RGS22: variants seen among roughly 807,000 people sequenced by gnomAD.
The protein encoded by RGS22 is regulator of G protein signaling 22, also known as regulator of G-protein signaling 22.
Under a neutral mutation model 172.9 loss-of-function variants are expected in RGS22, and 148 were observed. That is an observed-to-expected ratio of 0.86 (90% CI 0.75 to 0.98). The LOEUF (loss-of-function observed/expected upper bound fraction) is 0.98, where lower values mean the gene tolerates loss of function less well. Among genes scored for constraint, RGS22 ranks in the 50% least tolerant of loss-of-function variants. The pLI, the probability that RGS22 is intolerant of heterozygous loss-of-function variation, is 0.00. For synonymous variants in RGS22, 458 were observed against 480.2 expected, an observed-to-expected ratio of 0.95 and a Z score of 0.60; for missense variants, 1,347 against 1,440.8, an observed-to-expected ratio of 0.93 and a Z score of 1.05.
chr8:100,031,518 TCTC>T (rs1172891205), intron 14 of RGS22, among the ~76,000 whole-genome samples: 2 of 152,250 alleles, frequency 1.3e-5, no homozygotes, highest in East Asian at 3.9e-4. Flanking sequence ...TCCATATAAT[TCTC>T]CTAGACTCTA....
chr8:100,089,861 T>C (rs932613651), intron 3 of RGS22, among the ~76,000 whole-genome samples: 5 of 152,094 alleles, frequency 3.3e-5, no homozygotes, highest in African/African-American at 9.7e-5. Flanking sequence ...ATAGACATCA[T>C]AGCATGATGG....
chr8:100,059,687 A>G (rs955831968), intron 9 of RGS22, among the ~76,000 whole-genome samples: 1 of 152,178 alleles, frequency 6.6e-6, no homozygotes, highest in Non-Finnish European at 1.5e-5. Flanking sequence ...CAATGCAACA[A>G]TAGCTGGAGA....
At chr8:100,071,824 G>A (rs1040636698) in intron 5 of RGS22, among the ~76,000 whole-genome samples, 13 of 152,160 alleles carry the variant, frequency 8.5e-5, no homozygotes, top group South Asian at 2.1e-4. Flanking sequence ...TCTGGACTAC[G>A]GCATTCTATG....
chr8:100,060,337 A>G (rs1459564305), intron 9 of RGS22, among the ~76,000 whole-genome samples: 2 of 148,898 alleles, frequency 1.3e-5, no homozygotes, highest in African/African-American at 4.9e-5. Flanking sequence ...TCAGCATAGC[A>G]CTTAGTCTAT....
At chr8:100,070,978 A>T (rs184069008) in intron 6 of RGS22, among the ~76,000 whole-genome samples, 2 of 149,922 alleles carry the variant, frequency 1.3e-5, no homozygotes, top group African/African-American at 4.9e-5. Flanking sequence ...CAGGTAATAC[A>T]AATGCTTTAA....
At chr8:100,061,960 T>C (rs1586173068) in intron 9 of RGS22, among the ~76,000 whole-genome samples, 1 of 152,288 alleles carries the variant, frequency 6.6e-6, no homozygotes, top group South Asian at 2.1e-4. Flanking sequence ...TGGAATACTA[T>C]GCAGCCATAA....
intron 6 of RGS22, among the ~76,000 whole-genome samples, chr8:100,067,744 C>T (rs1810641639): frequency 6.6e-6 from 1 of 151,554 alleles, no homozygotes; most frequent in South Asian, 2.1e-4. Flanking sequence ...CCCACCTCAG[C>T]CTCCCGAGTA....
chr8:100,051,654 T>A lies in RGS22; in HGVS notation c.1689+1148A>T, dbSNP rs1348923165. Among the ~76,000 whole-genome samples, 2 of 55,622 alleles carry A rather than the reference T, an allele frequency of 3.6e-5. 1 individual carries two copies. Among genetic ancestry groups the A allele is most frequent in the African/African-American group, 1.5e-4 (2 of 12,972 alleles). The allele number at this position is 55,622 out of a possible 152,430, so 36.5% of individuals were successfully genotyped here. The stretch of plus-strand genomic sequence containing the variant: ...ATATATTTATATATGTTTATACATA[T>A]ATAAATATATATTTATATATGTTTA... On this transcript the variant is annotated intron_variant, in intron 10 of 27. Coordinates refer to ENST00000360863, the MANE Select transcript of RGS22 (RefSeq NM_015668.5).
At chr8:99,964,515 C>T (rs972523671) in intron 24 of RGS22, among the ~76,000 whole-genome samples, 1 of 147,304 alleles carries the variant, frequency 6.8e-6, no homozygotes, top group Non-Finnish European at 1.5e-5. Context: ...AGCCTGATAT[C>T]TCTAACTGGA....
intron 27 of RGS22, 81 bp from the exon 28 acceptor site, chr8:99,961,277 A>AACTT (rs2131056361): frequency 2.3e-6 from 1 of 426,372 alleles, no homozygotes; most frequent in African/African-American, 2.1e-5. Flanking sequence ...AACAACAAAA[A>AACTT]ACTTATATAG....
At chr8:99,972,849 T>G (rs955756481) in intron 23 of RGS22, among the ~76,000 whole-genome samples, 6 of 152,076 alleles carry the variant, frequency 3.9e-5, no homozygotes, top group African/African-American at 1.4e-4. Flanking sequence ...CAGGCTAACA[T>G]GGTGAAACCC....
intron 20 of RGS22, 78 bp downstream of exon 20, chr8:99,996,384 G>T: frequency 3.2e-6 from 4 of 1,248,634 alleles, no homozygotes; most frequent in Admixed American, 1.8e-5. Context: ...GAGGATTTTT[G>T]AACAAGAAAG....
At chr8:99,980,188 C>A (rs1021191695) in intron 22 of RGS22, among the ~76,000 whole-genome samples, 1 of 152,130 alleles carries the variant, frequency 6.6e-6, no homozygotes, top group South Asian at 2.1e-4. Context: ...CCTTGGCCTT[C>A]CAAAGTGCTG....
intron 4 of RGS22, among the ~76,000 whole-genome samples, chr8:100,078,085 C>CT (rs1368201571): frequency 6.6e-6 from 1 of 152,038 alleles, no homozygotes; most frequent in East Asian, 1.9e-4. Context: ...TTTTAATATC[C>CT]TTTTTACTTC....
At chr8:99,978,422 C>CCATA (rs1314392635) in intron 22 of RGS22, among the ~76,000 whole-genome samples, 1 of 152,058 alleles carries the variant, frequency 6.6e-6, no homozygotes, top group Non-Finnish European at 1.5e-5. Context: ...AGTTGATCTG[C>CCATA]CATACACTCT....
chr8:100,105,560 G>C, intron 1 of RGS22, 158 bp from the exon 2 acceptor site: 1 of 668,226 alleles, frequency 1.5e-6, no homozygotes, highest in Non-Finnish European at 2.6e-6. Context: ...TGCATTTTAA[G>C]TTGGAATTCA....
At chr8:100,029,702 CAAAAAAAAA>C (rs369058108) in intron 14 of RGS22, among the ~76,000 whole-genome samples, 2 of 62,016 alleles carry the variant, frequency 3.2e-5, no homozygotes, top group South Asian at 5.8e-4. Context: ...AACTCCGTCT[CAAAAAAAAA>C]AAAAAAAAAA....
Position 100,040,073 on chromosome 8 carries a change from T to A in RGS22, c.1953A>T (p.Ser651=). 1 of 1,609,500 alleles carries A rather than the reference T, an allele frequency of 6.2e-7. No homozygotes were observed. Among genetic ancestry groups the A allele is most frequent in the Non-Finnish European group, 8.5e-7 (1 of 1,178,662 alleles). Residue 651 remains serine (S), a synonymous_variant, in exon 13 of 28, where the codon TCA becomes TCT. Coordinates refer to ENST00000360863, the MANE Select transcript of RGS22 (RefSeq NM_015668.5). ...CAGATCCTCCCAAGGCACCAACATC[T>A]GACACGGTTTTAACCTAGATAACAA... ...YTEEPRVKTV[S]DVGALGGSDM... is the part of the protein sequence containing the mutation.
chr8:100,088,252 T>C (rs1239324462), intron 3 of RGS22, among the ~76,000 whole-genome samples: 4 of 152,126 alleles, frequency 2.6e-5, no homozygotes, highest in Non-Finnish European at 5.9e-5. Flanking sequence ...CTAAGCATGG[T>C]CTGGCAAACA....
Sources: gnomAD v4.1 joint callset for allele counts (sites outside exome capture counted in the v4.1 genomes callset) on GRCh38, gnomAD v4.1.1 for gene constraint, MANE v1.5 for transcripts, NCBI Gene and HGNC (gene_info 2026-07-23, HGNC 2026-07-21) for gene names.